The following CELSR1 variants were observed in gnomAD, a reference collection of about 807,000 sequenced individuals.
The protein encoded by CELSR1 is cadherin EGF LAG seven-pass G-type receptor 1.
A neutral mutation model predicts 249.1 loss-of-function variants in CELSR1; 110 were observed. That is an observed-to-expected ratio of 0.44 (90% CI 0.38 to 0.52). The LOEUF (loss-of-function observed/expected upper bound fraction) is 0.52, where lower values mean the gene tolerates loss of function less well. Ranked by LOEUF, CELSR1 falls within the 20% of genes least tolerant of loss-of-function variation. The probability of loss-of-function intolerance (pLI) is 0.00; values close to 1 mark genes in which losing one functional copy is unlikely to be tolerated. For missense variants in CELSR1, 4,109 were observed against 4,296.4 expected (o/e 0.96, Z 1.22); for synonymous variants, 2,113 against 1,900.0 (o/e 1.11, Z -2.92).
rs766354331 is a variant in CELSR1 at position 46,401,892 on chromosome 22, G to C, written c.5227-1990C>G. 6.6e-6 allele frequency among the ~76,000 whole-genome samples: 1 copy of C among 152,000 alleles called. No homozygotes were observed. Among genetic ancestry groups the C allele is most frequent in the Admixed American group, 6.5e-5 (1 of 15,272 alleles). On this transcript the variant is annotated intron_variant, in intron 9 of 34. Transcript: ENST00000674500. This position sits in a 1 kb window ranked among gnomAD's most constrained non-coding sequence, Gnocchi z 4.7. ...ACCTGAGGTCAGGAGTTTGAGACCA[G>C]CCTGACCAACAAGGTGAAACCCCAT...
chr22:46,391,198 T>G lies in CELSR1; in HGVS notation c.6238A>C (p.Lys2080Gln). 6.2e-7 allele frequency: 1 copy of G among 1,613,020 alleles called. No individual in the cohort carries two copies. The highest frequency in any genetic ancestry group is 2.2e-5 in the East Asian group (1 of 44,862). The stretch of plus-strand genomic sequence containing the variant: ...CACGGCGACTCACCAACGGATCCCT[T>G]AGGGCATGGCACCGCAGCCGGCTGC... ...FGQPAAVPCPKGSVGNAVRHC... is the reference protein window; with the variant it reads ...FGQPAAVPCPQGSVGNAVRHC... Residue 2080 changes from lysine (K) to glutamine (Q), a missense_variant, in exon 16 of 35, where the codon AAG becomes CAG. Physicochemically the swap from Lys to Gln is moderately conservative, Grantham distance 53 (BLOSUM62 1). Around this residue, in one of 7 missense-constraint regions of CELSR1, gnomAD observed 1,805 missense variants for 1,831.6 expected, o/e 0.99. Transcript: ENST00000674500. This position sits in a 1 kb window ranked among gnomAD's most constrained non-coding sequence, Gnocchi z 4.3.
intron 1 of CELSR1, among the ~76,000 whole-genome samples, chr22:46,485,609 T>C (rs1392039815): frequency 1.3e-5 from 2 of 152,166 alleles, no homozygotes; most frequent in Non-Finnish European, 2.9e-5. Context: ...ATCTCCAAAT[T>C]GCCGAGGAGC....
At position 46,454,982 on chromosome 22, in the gene CELSR1, A is replaced by G. The variant is rs1042949103; in HGVS notation, c.4183+8725T>C. Among the ~76,000 whole-genome samples, 9 of 152,226 alleles carry G rather than the reference A, an allele frequency of 5.9e-5. No homozygotes were observed. The highest frequency in any genetic ancestry group is 1.3e-4 in the Non-Finnish European group (9 of 68,044). On this transcript the variant is annotated intron_variant, in intron 2 of 34. Transcript: ENST00000674500. This position sits in a 1 kb window ranked among gnomAD's most constrained non-coding sequence, Gnocchi z 5.1. ...GGATGAGATCATTAGGGTGGGTCCTAATCCAGTGACCGGTGTCCTTACAAT... is the reference window on the plus strand; with the variant it reads ...GGATGAGATCATTAGGGTGGGTCCTGATCCAGTGACCGGTGTCCTTACAAT...
At position 46,423,833 on chromosome 22, in the gene CELSR1, G is replaced by A. The variant is rs953381128; in HGVS notation, c.4611+9560C>T. 9.2e-5 allele frequency among the ~76,000 whole-genome samples: 14 copies of A among 151,900 alleles called. No homozygotes were observed. The highest frequency in any genetic ancestry group is 1.3e-4 in the Non-Finnish European group (9 of 67,994). ...CTAAAAATACCAAAATTAGCCAGGC[G>A]TGGTGGTGGTGCGCACCTGTAATCC... On this transcript the variant is annotated intron_variant, in intron 5 of 34. Transcript: ENST00000674500. The surrounding 1 kb of genome is among the most constrained non-coding windows in gnomAD (Gnocchi z 5.6).
rs1319390174 is a variant in CELSR1, at chr22:46,397,745, G to C, written c.5630C>G (p.Thr1877Ser). Residue 1877 changes from threonine (T) to serine (S), a missense_variant, in exon 12 of 35, where the codon ACC (threonine) becomes AGC (serine). Around this residue, in one of 7 missense-constraint regions of CELSR1, gnomAD observed 1,805 missense variants for 1,831.6 expected, o/e 0.99. Transcript: ENST00000674500. ...GCTATTGGGGGGACAGGGGCTCGAG[G>C]TACAGGGGTCGTCCACATCACAGCC... ...KDGCDVDDPC[T>S]SSPCPPNSRC... 6.3e-7 allele frequency: 1 copy of C among 1,595,844 alleles called. No homozygotes were observed. The highest frequency in any genetic ancestry group is 8.5e-7 in the Non-Finnish European group (1 of 1,170,494).
chr22:46,376,628 C>A (rs1464002095), intron 24 of CELSR1, among the ~76,000 whole-genome samples: 1 of 152,118 alleles, frequency 6.6e-6, no homozygotes, highest in African/African-American at 2.4e-5. Flanking sequence ...CCTCAGCCTC[C>A]CAAAGGGATC....
rs942057830 is a variant in CELSR1, at chr22:46,362,201, T to A, written c.*1022A>T. Reference sequence around the variant, plus strand: ...GGAGCAGGAGCAAAGGACAAAGCCATCCCCACCTGCAGCTCCCGGGCCACC... The same window carrying A: ...GGAGCAGGAGCAAAGGACAAAGCCAACCCCACCTGCAGCTCCCGGGCCACC... On this transcript the variant is annotated 3_prime_UTR_variant, in exon 35 of 35. Coordinates refer to ENST00000674500, the MANE Select transcript of CELSR1 (RefSeq NM_001378328.1). 2.6e-5 allele frequency: 4 copies of A among 152,170 alleles called. No homozygotes were observed. Among genetic ancestry groups the A allele is most frequent in the African/African-American group, 9.7e-5 (4 of 41,432 alleles). The allele number at this position is 152,170 out of a possible 1,614,324, so 9.4% of individuals were successfully genotyped here.
chr22:46,382,683 C>T (rs985719069), intron 20 of CELSR1, among the ~76,000 whole-genome samples: 11 of 152,164 alleles, frequency 7.2e-5, no homozygotes, highest in South Asian at 2.1e-4. Flanking sequence ...AAGCAACACG[C>T]GCTCCATCCG....
At chr22:46,493,854 G>A (rs1166077851) in intron 1 of CELSR1, among the ~76,000 whole-genome samples, 1 of 152,186 alleles carries the variant, frequency 6.6e-6, no homozygotes, top group Admixed American at 6.5e-5. Flanking sequence ...CCCCAGCCAT[G>A]TGGGACTGTG....
rs757603543 is a variant in CELSR1 at position 46,464,119 on chromosome 22, G to T, written c.3771C>A (p.Ile1257=). The change falls in exon 2 of 35, where the codon ATC becomes ATA. Residue 1257 remains isoleucine, a synonymous_variant. Coordinates refer to ENST00000674500, the MANE Select transcript of CELSR1 (RefSeq NM_001378328.1). This position sits in a 1 kb window ranked among gnomAD's most constrained non-coding sequence, Gnocchi z 8.5. ...VQNDTDVSSN[I]LNVTFSALLP... ...GCAGCGCCGAGAAGGTCACGTTCAG[G>T]ATGTTGGAGCTGACGTCGGTGTCGT... The T allele has an allele frequency of 4.8e-5, 77 of 1,613,766 alleles. No individual in the cohort carries two copies. The highest frequency in any genetic ancestry group is 4.5e-4 in the South Asian group (41 of 91,092).
At position 46,445,466 on chromosome 22, in the gene CELSR1, G is replaced by T. The variant is rs2079807853; in HGVS notation, c.4184-6055C>A. Among the ~76,000 whole-genome samples the T allele has an allele frequency of 6.6e-6, 1 of 152,182 alleles. No individual in the cohort carries two copies. The highest frequency in any genetic ancestry group is 6.5e-5 in the Admixed American group (1 of 15,282). Reference sequence around the variant, plus strand: ...CCAAAAATTGCACCATTGCACTCCAGCCTGGGTGACAGAGCAAGACTGTCT... The same window carrying T: ...CCAAAAATTGCACCATTGCACTCCATCCTGGGTGACAGAGCAAGACTGTCT... On this transcript the variant is annotated intron_variant, in intron 2 of 34. Coordinates refer to ENST00000674500, the MANE Select transcript of CELSR1 (RefSeq NM_001378328.1). This position sits in a 1 kb window ranked among gnomAD's most constrained non-coding sequence, Gnocchi z 4.4.
At chr22:46,523,423 G>A (rs1000753707) in intron 1 of CELSR1, among the ~76,000 whole-genome samples, 2 of 152,064 alleles carry the variant, frequency 1.3e-5, no homozygotes, top group African/African-American at 4.8e-5. Flanking sequence ...AGATACCCAA[G>A]GGGCAGAGGC....
Position 46,401,081 on chromosome 22 carries a change from A to T in CELSR1, c.5227-1179T>A, listed in dbSNP as rs1047292982. Among the ~76,000 whole-genome samples, 1 of 152,226 alleles carries T rather than the reference A, an allele frequency of 6.6e-6. No homozygotes were observed. The highest frequency in any genetic ancestry group is 2.4e-5 in the African/African-American group (1 of 41,462). On this transcript the variant is annotated intron_variant, in intron 9 of 34. Coordinates refer to ENST00000674500, the MANE Select transcript of CELSR1 (RefSeq NM_001378328.1). This position sits in a 1 kb window ranked among gnomAD's most constrained non-coding sequence, Gnocchi z 4.7. Reference sequence around the variant, plus strand: ...TGGAGGTCAAGTAAGGGAAGCGCCAAGAACAAGCCCCATTAGGCTTTTAAG... The same window carrying T: ...TGGAGGTCAAGTAAGGGAAGCGCCATGAACAAGCCCCATTAGGCTTTTAAG...
At chr22:46,389,891 G>A (rs1212738997) in intron 17 of CELSR1, among the ~76,000 whole-genome samples, 1 of 152,148 alleles carries the variant, frequency 6.6e-6, no homozygotes, top group Non-Finnish European at 1.5e-5. Flanking sequence ...AGCAGAGGTT[G>A]CAGCAAGCTG....
In CELSR1 at chr22:46,393,749, A is replaced by AG. The variant is rs1310260668; in HGVS notation, c.5964+392_5964+393insC. 6.6e-6 allele frequency among the ~76,000 whole-genome samples: 1 copy of AG among 151,958 alleles called. No individual in the cohort carries two copies. The highest frequency in any genetic ancestry group is 1.9e-4 in the East Asian group (1 of 5,188). On this transcript the variant is annotated intron_variant, in intron 14 of 34. Transcript: ENST00000674500. This position sits in a 1 kb window ranked among gnomAD's most constrained non-coding sequence, Gnocchi z 4.1. Reference sequence around the variant, plus strand: ...CGAGACTCTGTCTCAAAAAAAAAAAAAAAAAGACCAGGAAAATGGCCAACC... The same window carrying AG: ...CGAGACTCTGTCTCAAAAAAAAAAAAGAAAAAGACCAGGAAAATGGCCAACC...
In CELSR1 at chr22:46,397,830, T is replaced by G; in HGVS notation, c.5545A>C (p.Thr1849Pro). ...GCMQGVRMGGTPTNVATLNMN... is the reference protein window; with the variant it reads ...GCMQGVRMGGPPTNVATLNMN... ...TTCAGGGTGGCGACGTTGGTGGGCG[T>G]CCCCCCCATCCTCACTCCCTGCATT... Residue 1849 changes from threonine (T) to proline (P), a missense_variant, in exon 12 of 35, where the codon ACG becomes CCG. Coordinates refer to ENST00000674500, the MANE Select transcript of CELSR1 (RefSeq NM_001378328.1). 1 of 1,567,724 alleles carries G rather than the reference T, an allele frequency of 6.4e-7. No homozygotes were observed. The highest frequency in any genetic ancestry group is 8.7e-7 in the Non-Finnish European group (1 of 1,154,830).
At position 46,430,917 on chromosome 22, in the gene CELSR1, A is replaced by AAC. The variant is rs2079588127; in HGVS notation, c.4611+2474_4611+2475dup. Among the ~76,000 whole-genome samples the AAC allele has an allele frequency of 6.6e-6, 1 of 152,168 alleles. No individual in the cohort carries two copies. The highest frequency in any genetic ancestry group is 1.5e-5 in the Non-Finnish European group (1 of 68,022). On this transcript the variant is annotated intron_variant, in intron 5 of 34. Coordinates refer to ENST00000674500, the MANE Select transcript of CELSR1 (RefSeq NM_001378328.1). This position sits in a 1 kb window ranked among gnomAD's most constrained non-coding sequence, Gnocchi z 4.6. ...CGGGCTGGTGCTCATAATCTCTGCTAACACATCCTAGTGTGTGGCCCCGTC... is the reference window on the plus strand; with the variant it reads ...CGGGCTGGTGCTCATAATCTCTGCTAACACACATCCTAGTGTGTGGCCCCGTC...
chr22:46,452,453 C>A (rs778020231), intron 2 of CELSR1, among the ~76,000 whole-genome samples: 6 of 152,184 alleles, frequency 3.9e-5, no homozygotes, highest in Non-Finnish European at 7.4e-5. Context: ...CCACAGGACT[C>A]TGGATACCAC....
chr22:46,433,005 GA>G lies in CELSR1; in HGVS notation c.4611+387del, dbSNP rs1334126468. Among the ~76,000 whole-genome samples, 1 of 151,714 alleles carries G rather than the reference GA, an allele frequency of 6.6e-6. No homozygotes were observed. The highest frequency in any genetic ancestry group is 2.4e-5 in the African/African-American group (1 of 41,326). Reference sequence around the variant, plus strand: ...TTCAGAGCACAAATGTCTCAAGACAGAAAATCTACCAGGGCACCTTTTTTCC... The same window carrying G: ...TTCAGAGCACAAATGTCTCAAGACAGAAATCTACCAGGGCACCTTTTTTCC... On this transcript the variant is annotated intron_variant, in intron 5 of 34. Coordinates refer to ENST00000674500, the MANE Select transcript of CELSR1 (RefSeq NM_001378328.1). This position sits in a 1 kb window ranked among gnomAD's most constrained non-coding sequence, Gnocchi z 5.7.
Sources: allele counts gnomAD v4.1 joint callset (sites outside exome capture counted in the v4.1 genomes callset), GRCh38; gene constraint gnomAD v4.1.1; regional missense constraint gnomAD v4.1.1; non-coding constraint Gnocchi (gnomAD v3.1); transcripts MANE v1.5; gene names NCBI Gene and HGNC (gene_info 2026-07-23, HGNC 2026-07-21).